The following TMEM132B variants were observed in gnomAD, a reference collection of about 807,000 sequenced individuals.
TMEM132B encodes the protein transmembrane protein 132B.
In TMEM132B, 18 loss-of-function variants were observed where a neutral mutation model predicts 90.8. That is an observed-to-expected ratio of 0.20 (90% CI 0.14 to 0.29). The LOEUF (loss-of-function observed/expected upper bound fraction) is 0.29, where lower values mean the gene tolerates loss of function less well. Ranked by LOEUF, TMEM132B falls within the 10% of genes least tolerant of loss-of-function variation. TMEM132B has a pLI of 1.00. For synonymous variants in TMEM132B, 504 were observed against 523.3 expected (o/e 0.96, Z 0.50); for missense variants, 1,096 against 1,326.8 (o/e 0.83, Z 2.70).
chr12:125,433,399 C>T (rs1880599396), intron 3 of TMEM132B, among the ~76,000 whole-genome samples: 1 of 152,126 alleles, frequency 6.6e-6, no homozygotes, highest in African/African-American at 2.4e-5. Context: ...CGGGTCATTC[C>T]TCTTTCAAAC....
At chr12:125,502,691 A>G (rs144497218) in intron 3 of TMEM132B, among the ~76,000 whole-genome samples, 1 of 152,332 alleles carries the variant, frequency 6.6e-6, no homozygotes, top group East Asian at 1.9e-4. Context: ...TTGCGTGTTA[A>G]CTGTTTCTTT....
intron 3 of TMEM132B, among the ~76,000 whole-genome samples, chr12:125,468,966 A>G (rs1881642671): frequency 6.6e-6 from 1 of 152,244 alleles, no homozygotes; most frequent in African/African-American, 2.4e-5. Flanking sequence ...TATTGGTCCC[A>G]ACAATTTTGT....
Position 125,653,650 on chromosome 12 carries a change from C to A in TMEM132B, c.2192C>A (p.Thr731Asn). 1 of 1,614,196 alleles carries A rather than the reference C, an allele frequency of 6.2e-7. No homozygotes were observed. Residue 731 changes from threonine to asparagine, a missense_variant, in exon 9 of 9, where the codon ACT (threonine) becomes AAT (asparagine). Physicochemically the swap from Thr to Asn is moderately conservative, Grantham distance 65. Transcript: ENST00000682704. Reference sequence around the variant, plus strand: ...TACGATCCTAAGGATTATTCTGTTACTGTCTCATCATTGGATGAAATGGTG... The same window carrying A: ...TACGATCCTAAGGATTATTCTGTTAATGTCTCATCATTGGATGAAATGGTG... ...DIYDPKDYSV[T>N]VSSLDEMVVS...
At chr12:125,536,487 CA>C (rs1384214339) in intron 4 of TMEM132B, among the ~76,000 whole-genome samples, 1 of 152,212 alleles carries the variant, frequency 6.6e-6, no homozygotes, top group Non-Finnish European at 1.5e-5. Context: ...GCCAACACTG[CA>C]CCATCCACTC....
chr12:125,543,078 A>T (rs934563780), intron 4 of TMEM132B, among the ~76,000 whole-genome samples: 1 of 152,274 alleles, frequency 6.6e-6, no homozygotes. Flanking sequence ...CAGTCCAGGG[A>T]TACTTGGGGT....
intron 5 of TMEM132B, among the ~76,000 whole-genome samples, chr12:125,600,377 G>T (rs1885541301): frequency 6.6e-6 from 1 of 151,942 alleles, no homozygotes; most frequent in African/African-American, 2.4e-5. Context: ...CATTTCTTTT[G>T]TACCACCTGC....
At chr12:125,589,626 T>TA (rs1169937181) in intron 5 of TMEM132B, among the ~76,000 whole-genome samples, 9 of 151,998 alleles carry the variant, frequency 5.9e-5, no homozygotes, top group Non-Finnish European at 1.3e-4. Context: ...TTAGGAAACT[T>TA]ACAGCCATAT....
intron 1 of TMEM132B, among the ~76,000 whole-genome samples, chr12:125,227,692 C>T (rs1382683112): frequency 2.0e-5 from 3 of 152,204 alleles, no homozygotes; most frequent in African/African-American, 7.2e-5. Flanking sequence ...TCAGCATGCT[C>T]TCCCTCCCTG....
At chr12:125,546,805 A>G (rs1884104483) in intron 4 of TMEM132B, among the ~76,000 whole-genome samples, 2 of 152,170 alleles carry the variant, frequency 1.3e-5, no homozygotes, top group Admixed American at 6.5e-5. Flanking sequence ...AGTGGAATTG[A>G]TGGGTACTGT....
chr12:125,322,082 T>G (rs1876442156), intron 1 of TMEM132B, among the ~76,000 whole-genome samples: 3 of 152,230 alleles, frequency 2.0e-5, no homozygotes, highest in African/African-American at 7.2e-5. Flanking sequence ...ATGGTTTGTC[T>G]GTGTCCCCAC....
chr12:125,352,350 A>C (rs1160620945), intron 2 of TMEM132B, among the ~76,000 whole-genome samples: 1 of 152,222 alleles, frequency 6.6e-6, no homozygotes, highest in Non-Finnish European at 1.5e-5. Context: ...TATGATCAAG[A>C]TTTGGTTTTA....
chr12:125,484,348 C>A (rs1882145034), intron 3 of TMEM132B, among the ~76,000 whole-genome samples: 1 of 152,126 alleles, frequency 6.6e-6, no homozygotes, highest in Non-Finnish European at 1.5e-5. Context: ...TTAGTAGTGG[C>A]TCCTTGATTT....
intron 4 of TMEM132B, among the ~76,000 whole-genome samples, chr12:125,520,713 G>T (rs1445707811): frequency 1.3e-5 from 2 of 152,122 alleles, no homozygotes; most frequent in African/African-American, 4.8e-5. Context: ...CATTATCACT[G>T]GTTGATATTT....
chr12:125,361,072 G>A (rs1157613511), intron 2 of TMEM132B, among the ~76,000 whole-genome samples: 1 of 152,128 alleles, frequency 6.6e-6, no homozygotes, highest in African/African-American at 2.4e-5. Context: ...CTTGGTGCCA[G>A]TCTTAGTGGT....
chr12:125,189,834 C>T (rs1200438424), intron 1 of TMEM132B, among the ~76,000 whole-genome samples: 1 of 152,122 alleles, frequency 6.6e-6, no homozygotes, highest in Non-Finnish European at 1.5e-5. Flanking sequence ...TCTGGGCCGG[C>T]AAAGCCCTTT....
chr12:125,291,075 G>T (rs1875525303), intron 1 of TMEM132B, among the ~76,000 whole-genome samples: 1 of 152,194 alleles, frequency 6.6e-6, no homozygotes, highest in South Asian at 2.1e-4. Context: ...GCACTGGAAA[G>T]TGGGGACCTT....
At chr12:125,225,922 C>T (rs1873672502) in intron 1 of TMEM132B, among the ~76,000 whole-genome samples, 1 of 152,152 alleles carries the variant, frequency 6.6e-6, no homozygotes, top group Non-Finnish European at 1.5e-5. Flanking sequence ...GGTCAAATCA[C>T]CATCCTAGGG....
rs185922697 is a variant in TMEM132B, at chr12:125,494,612, G to T, written c.1107-24827G>T. On this transcript the variant is annotated intron_variant, in intron 3 of 8. Transcript: ENST00000682704. ...CCCCCTCCTCCCTGAAAATGGCCGCGTCCCTCCTCCCCCTCCTCCCTGAAA... is the reference window on the plus strand; with the variant it reads ...CCCCCTCCTCCCTGAAAATGGCCGCTTCCCTCCTCCCCCTCCTCCCTGAAA... Among the ~76,000 whole-genome samples, 533 of 94,536 alleles carry T rather than the reference G, an allele frequency of 5.6e-3. 5 individuals carry two copies. Among genetic ancestry groups the T allele is most frequent in the African/African-American group, 0.022 (507 of 23,286 alleles). 62.0% of individuals were successfully genotyped at this position (94,536 alleles called of 152,430 possible).
intron 1 of TMEM132B, among the ~76,000 whole-genome samples, chr12:125,341,654 T>C (rs1877183803): frequency 6.6e-6 from 1 of 152,238 alleles, no homozygotes; most frequent in Admixed American, 6.5e-5. Flanking sequence ...GTTTACTCAG[T>C]AGTGTCCATG....
Sources: allele counts gnomAD v4.1 joint callset (sites outside exome capture counted in the v4.1 genomes callset), GRCh38; gene constraint gnomAD v4.1.1; transcripts MANE v1.5; gene names NCBI Gene and HGNC (gene_info 2026-07-23, HGNC 2026-07-21).